The following FBN1 variants were observed in gnomAD, a reference collection of about 807,000 sequenced individuals.
The protein encoded by FBN1 is fibrillin-1.
A neutral mutation model predicts 365.1 loss-of-function variants in FBN1; 29 were observed. The observed-to-expected ratio is 0.08, with a 90% CI of 0.06 to 0.11. FBN1 has a LOEUF of 0.11. Among genes scored for constraint, FBN1 ranks in the 10% least tolerant of loss-of-function variants. FBN1 has a pLI of 1.00. For missense variants in FBN1, 2,476 were observed against 3,703.2 expected, an observed-to-expected ratio of 0.67 and a Z score of 8.60; for synonymous variants, 1,210 against 1,270.5, an observed-to-expected ratio of 0.95 and a Z score of 1.01.
At chr15:48,645,062 C>T (rs1890273347) in intron 1 of FBN1, 112 bp from the exon 2 acceptor site, 2 of 257,964 alleles carry the variant, frequency 7.8e-6, no homozygotes, top group Non-Finnish European at 1.4e-5. Context: ...GCGCGTGGCG[C>T]AGTTAATTTG....
At chr15:48,435,762 ATATGTGTATATG>A (rs1566895651) in intron 53 of FBN1, among the ~76,000 whole-genome samples, 76 of 57,928 alleles carry the variant, frequency 1.3e-3, no homozygotes, top group South Asian at 2.5e-3. Flanking sequence ...GTGTGTATAT[ATATGTGTATATG>A]TGTGTGTGTG....
intron 2 of FBN1, among the ~76,000 whole-genome samples, chr15:48,619,927 T>C (rs540361773): frequency 1.1e-4 from 17 of 151,768 alleles, no homozygotes; most frequent in African/African-American, 3.9e-4. Flanking sequence ...CTGGATACTC[T>C]ACATGCTTCG....
At chr15:48,430,846 A>G (rs1475829417) in intron 55 of FBN1, 44 bp from the exon 56 acceptor site, 4 of 1,600,564 alleles carry the variant, frequency 2.5e-6, no homozygotes, top group African/African-American at 2.7e-5. Context: ...GAAAATGCAT[A>G]TATCTGCCTT....
chr15:48,416,472 G>A (rs1240484165), intron 63 of FBN1, among the ~76,000 whole-genome samples: 1 of 152,108 alleles, frequency 6.6e-6, no homozygotes, highest in Non-Finnish European at 1.5e-5. Flanking sequence ...CCAGCCTCCT[G>A]CCCAGAGTGT....
At chr15:48,605,073 G>T (rs1157310329) in intron 4 of FBN1, among the ~76,000 whole-genome samples, 1 of 152,180 alleles carries the variant, frequency 6.6e-6, no homozygotes, top group Admixed American at 6.5e-5. Context: ...GGTTTGAAAA[G>T]TGTAAAGGGC....
intron 45 of FBN1, among the ~76,000 whole-genome samples, chr15:48,449,440 A>T (rs139754443): frequency 1.3e-5 from 2 of 152,318 alleles, no homozygotes; most frequent in African/African-American, 4.8e-5. Context: ...TCACGTCTAC[A>T]CAGGGCTCCT....
chr15:48,531,366 A>C (rs1392803401), intron 8 of FBN1, among the ~76,000 whole-genome samples: 3 of 152,160 alleles, frequency 2.0e-5, no homozygotes, highest in African/African-American at 7.2e-5. Context: ...TGGCATTCTC[A>C]GATCTGAGAG....
chr15:48,523,717 G>C (rs539133622), intron 9 of FBN1, among the ~76,000 whole-genome samples: 7 of 151,356 alleles, frequency 4.6e-5, no homozygotes, highest in East Asian at 1.9e-4. Flanking sequence ...GGCTGGGGGG[G>C]GGGGGGAACC....
intron 50 of FBN1, among the ~76,000 whole-genome samples, chr15:48,439,042 C>A (rs1045152538): frequency 6.6e-6 from 1 of 152,186 alleles, no homozygotes; most frequent in Admixed American, 6.5e-5. Context: ...AGGAACCATA[C>A]TATCATAACC....
chr15:48,546,504 G>A (rs2044094664), intron 6 of FBN1, among the ~76,000 whole-genome samples: 1 of 152,162 alleles, frequency 6.6e-6, no homozygotes, highest in Non-Finnish European at 1.5e-5. Flanking sequence ...GCTTCTCTAG[G>A]ATTAAAAGAA....
At chr15:48,564,303 T>C (rs2044244448) in intron 6 of FBN1, among the ~76,000 whole-genome samples, 1 of 152,192 alleles carries the variant, frequency 6.6e-6, no homozygotes, top group African/African-American at 2.4e-5. Flanking sequence ...GGATTATTTG[T>C]TGGACAGCAC....
At chr15:48,637,831 T>C (rs894060298) in intron 2 of FBN1, among the ~76,000 whole-genome samples, 13 of 152,110 alleles carry the variant, frequency 8.5e-5, no homozygotes, top group Admixed American at 5.2e-4. Flanking sequence ...AGATCAGAGG[T>C]TGTTAAACTT....
chr15:48,418,628 C>A (rs752753598), intron 63 of FBN1, among the ~76,000 whole-genome samples: 2 of 152,160 alleles, frequency 1.3e-5, no homozygotes, highest in Non-Finnish European at 2.9e-5. Flanking sequence ...AATGACTCCA[C>A]AAGGAATTTT....
chr15:48,529,913 G>A (rs560517073), intron 8 of FBN1, among the ~76,000 whole-genome samples: 8 of 124,374 alleles, frequency 6.4e-5, no homozygotes, highest in East Asian at 5.3e-4. Flanking sequence ...TGCATCCGCC[G>A]CCCGATCACA....
At chr15:48,460,377 G>T in intron 42 of FBN1, 60 bp from the exon 43 acceptor site, 6 of 1,028,180 alleles carry the variant, frequency 5.8e-6, no homozygotes, top group South Asian at 1.3e-5. Flanking sequence ...ACAATAATTG[G>T]ACTGAAAAAA....
chr15:48,556,096 T>C lies in FBN1; in HGVS notation c.539-18288A>G, dbSNP rs1392157761. On this transcript the variant is annotated intron_variant, in intron 6 of 65. Coordinates refer to ENST00000316623, the MANE Select transcript of FBN1 (RefSeq NM_000138.5). ...ATCCCAGGGGAAAATGCAACATCTA[T>C]GATTTTAATTTTTTACCCTCATAGA... Among the ~76,000 whole-genome samples, 7 of 152,188 alleles carry C rather than the reference T, an allele frequency of 4.6e-5. 1 individual carries two copies. Among genetic ancestry groups the C allele is most frequent in the African/African-American group, 4.8e-5 (2 of 41,454 alleles).
chr15:48,489,088 G>A (rs1432993052), intron 25 of FBN1, among the ~76,000 whole-genome samples: 2 of 151,750 alleles, frequency 1.3e-5, no homozygotes, highest in African/African-American at 4.8e-5. Context: ...CAAGGCTGGA[G>A]TACAGTGGTG....
intron 6 of FBN1, among the ~76,000 whole-genome samples, chr15:48,582,835 A>G (rs1328808587): frequency 6.6e-6 from 1 of 152,154 alleles, no homozygotes; most frequent in Non-Finnish European, 1.5e-5. Context: ...AGGAAAAGCA[A>G]TCTAAGCAGC....
chr15:48,470,451 C>G (rs2043362644), intron 36 of FBN1, among the ~76,000 whole-genome samples, 183 bp downstream of exon 36: 1 of 152,218 alleles, frequency 6.6e-6, no homozygotes. Context: ...GTCTTAGACT[C>G]TTTCCTCTGG....
Sources: gnomAD v4.1 joint callset for allele counts (sites outside exome capture counted in the v4.1 genomes callset) on GRCh38, gnomAD v4.1.1 for gene constraint, MANE v1.5 for transcripts, NCBI Gene and HGNC (gene_info 2026-07-23, HGNC 2026-07-21) for gene names.